Variants in CNTNAP3 observed in about 807,000 individuals in gnomAD.
CNTNAP3 encodes the protein contactin-associated protein-like 3.
Under a neutral mutation model 92.1 loss-of-function variants are expected in CNTNAP3, and 36 were observed. The observed-to-expected ratio is 0.39, with a 90% confidence interval of 0.30 to 0.52. The LOEUF (loss-of-function observed/expected upper bound fraction) is 0.52. Among genes scored for constraint, CNTNAP3 ranks in the 20% least tolerant of loss-of-function variants. The pLI is 0.76. For missense variants in CNTNAP3, 534 were observed against 1,069.6 expected (o/e 0.50, Z 6.98); for synonymous variants, 232 against 422.3 (o/e 0.55, Z 5.53).
chr9:39,067,648 G>A lies in CNTNAP3; in HGVS notation c.*6242C>T, dbSNP rs1337158536. 2.6e-5 allele frequency among the ~76,000 whole-genome samples: 4 copies of A among 152,308 alleles called. No homozygotes were observed. Among genetic ancestry groups the A allele is most frequent in the Admixed American group, 2.0e-4 (3 of 15,292 alleles). ...CCCGACCTCGTGATCTGCCTGCCTC[G>A]ACCTCCCAAAGTGCTGGGATTACAG... On this transcript the variant is annotated 3_prime_UTR_variant, in exon 24 of 24. Transcript: ENST00000297668.
At chr9:39,076,643 G>C (rs1825773440) in intron 23 of CNTNAP3, among the ~76,000 whole-genome samples, 1 of 152,310 alleles carries the variant, frequency 6.6e-6, no homozygotes, top group African/African-American at 2.4e-5. Flanking sequence ...TATGTGCTAT[G>C]GAGAGTCTGC....
intron 8 of CNTNAP3, among the ~76,000 whole-genome samples, chr9:39,170,707 C>T (rs1302649179): frequency 9.1e-5 from 1 of 10,964 alleles, no homozygotes; most frequent in East Asian, 2.4e-3. Flanking sequence ...GGGCATTGTG[C>T]TAATAAAATC....
chr9:39,153,834 C>T (rs1824320314), intron 9 of CNTNAP3, among the ~76,000 whole-genome samples: 2 of 141,846 alleles, frequency 1.4e-5, no homozygotes, highest in Admixed American at 1.4e-4. Context: ...GCTGGGATTA[C>T]AGGTGAGAGC....
chr9:39,134,246 A>G (rs1235848043), intron 12 of CNTNAP3, among the ~76,000 whole-genome samples: 1 of 152,158 alleles, frequency 6.6e-6, no homozygotes, highest in African/African-American at 2.4e-5. Context: ...GATATCCACA[A>G]ATGAGCCACA....
chr9:39,076,106 C>G (rs1482579163), intron 23 of CNTNAP3, among the ~76,000 whole-genome samples: 1 of 152,306 alleles, frequency 6.6e-6, no homozygotes, highest in African/African-American at 2.4e-5. Flanking sequence ...CGGAAGAGAA[C>G]ACTGCTAAGA....
Position 39,068,243 on chromosome 9 carries a change from CAAAAAAAAAAA to C in CNTNAP3, c.*5636_*5646del, listed in dbSNP as rs1198106886. On this transcript the variant is annotated 3_prime_UTR_variant, in exon 24 of 24. Coordinates refer to ENST00000297668, the MANE Select transcript of CNTNAP3 (RefSeq NM_033655.5). ...TGAAACCTTGCCTCCACTAAAAATA[CAAAAAAAAAAA>C]AAAAAAAAAAAATTAGCTGGGCATG... Among the ~76,000 whole-genome samples, 1 of 129,320 alleles carries C rather than the reference CAAAAAAAAAAA, an allele frequency of 7.7e-6. No homozygotes were observed. The highest frequency in any genetic ancestry group is 1.7e-5 in the Non-Finnish European group (1 of 59,106). The allele number at this position is 129,320 out of a possible 152,430, so 84.8% of individuals were successfully genotyped here. A position where few individuals can be genotyped will look rare whatever the true frequency, so the allele number is the denominator to read the frequency against.
chr9:39,083,381 C>G (rs10974133), intron 21 of CNTNAP3, among the ~76,000 whole-genome samples: 15,245 of 152,018 alleles, frequency 0.1, 1,945 homozygotes, highest in African/African-American at 0.3. Flanking sequence ...GTTTAAGGGG[C>G]CAGGTGTGGT....
chr9:39,068,273 G>T lies in CNTNAP3; in HGVS notation c.*5617C>A, dbSNP rs1379985782. Among the ~76,000 whole-genome samples the T allele has an allele frequency of 9.5e-5, 14 of 148,046 alleles. No individual in the cohort carries two copies. The highest frequency in any genetic ancestry group is 3.2e-4 in the African/African-American group (13 of 40,730). On this transcript the variant is annotated 3_prime_UTR_variant, in exon 24 of 24. Coordinates refer to ENST00000297668, the MANE Select transcript of CNTNAP3 (RefSeq NM_033655.5). Reference sequence around the variant, plus strand: ...AAAAAAAAAAAAAAAAAAATTAGCTGGGCATGTTGGCTTGTGCCTGTAGTC... The same window carrying T: ...AAAAAAAAAAAAAAAAAAATTAGCTTGGCATGTTGGCTTGTGCCTGTAGTC...
At chr9:39,091,236 T>C (rs1395406574) in intron 18 of CNTNAP3, among the ~76,000 whole-genome samples, 3 of 151,950 alleles carry the variant, frequency 2.0e-5, no homozygotes, top group African/African-American at 7.2e-5. Context: ...CAATGCTGAA[T>C]AGAACTAGTG....
Position 39,121,846 on chromosome 9 carries a change from G to A in CNTNAP3, c.2081-3587C>T, listed in dbSNP as rs113215110. On this transcript the variant is annotated intron_variant, in intron 13 of 23. Coordinates refer to ENST00000297668, the MANE Select transcript of CNTNAP3 (RefSeq NM_033655.5). Reference sequence around the variant, plus strand: ...AGGAGAAAACATTTTTGAAATAAGCGCAGAACATTATGTTCTCTCCTTAAC... The same window carrying A: ...AGGAGAAAACATTTTTGAAATAAGCACAGAACATTATGTTCTCTCCTTAAC... Among the ~76,000 whole-genome samples the A allele has an allele frequency of 1.8e-3, 268 of 152,158 alleles. 2 individuals carry two copies. The highest frequency in any genetic ancestry group is 2.9e-3 in the Admixed American group (44 of 15,272).
intron 19 of CNTNAP3, among the ~76,000 whole-genome samples, chr9:39,088,083 T>G (rs1345941886): frequency 6.6e-6 from 1 of 152,152 alleles, no homozygotes; most frequent in South Asian, 2.1e-4. Context: ...GAGGAGGGAA[T>G]GTATGTCATG....
At chr9:39,088,942 T>A (rs1172402401) in intron 18 of CNTNAP3, among the ~76,000 whole-genome samples, 14 of 152,272 alleles carry the variant, frequency 9.2e-5, no homozygotes, top group African/African-American at 3.1e-4. Context: ...TTCTTCAGTA[T>A]AAATGTATAA....
At position 39,152,070 on chromosome 9, in the gene CNTNAP3, C is replaced by A. The variant is rs201033885; in HGVS notation, c.1478-2093G>T. Among the ~76,000 whole-genome samples the A allele has an allele frequency of 3.6e-5, 5 of 138,650 alleles. No homozygotes were observed. In the East Asian group the frequency reaches 1.1e-3, roughly 30 times the overall value. The allele number at this position is 138,650 out of a possible 152,430, so 91.0% of individuals were successfully genotyped here. ...TTTGTACTTATGTGTTTTTCATTGA[C>A]CTCTCTTTGACCTTATACTGTTAAT... On this transcript the variant is annotated intron_variant, in intron 9 of 23. Coordinates refer to ENST00000297668, the MANE Select transcript of CNTNAP3 (RefSeq NM_033655.5).
intron 14 of CNTNAP3, among the ~76,000 whole-genome samples, chr9:39,113,827 C>A (rs1820776806): frequency 6.6e-6 from 1 of 150,816 alleles, no homozygotes; most frequent in African/African-American, 2.4e-5. Context: ...CGATATATGG[C>A]TGCTATATCA....
intron 11 of CNTNAP3, among the ~76,000 whole-genome samples, chr9:39,141,009 T>C (rs1467270306): frequency 6.6e-6 from 1 of 152,186 alleles, no homozygotes; most frequent in Non-Finnish European, 1.5e-5. Flanking sequence ...AGACAATCTT[T>C]TGGCAATGTC....
chr9:39,146,731 A>G (rs745333949), intron 10 of CNTNAP3, among the ~76,000 whole-genome samples: 42 of 151,746 alleles, frequency 2.8e-4, no homozygotes, highest in Admixed American at 5.2e-4. Flanking sequence ...ATCCAAACAT[A>G]AACATCCATT....
rs1232127853 is a variant in CNTNAP3 at position 39,068,171 on chromosome 9, G to C, written c.*5719C>G. Among the ~76,000 whole-genome samples the C allele has an allele frequency of 1.3e-5, 2 of 152,358 alleles. No individual in the cohort carries two copies. The highest frequency in any genetic ancestry group is 4.8e-5 in the African/African-American group (2 of 41,588). ...TACCAGCGCTTTAGGAGGCTGAGGT[G>C]GGCAGATCATGAGATCCAGAGATCG... On this transcript the variant is annotated 3_prime_UTR_variant, in exon 24 of 24. Transcript: ENST00000297668.
Position 39,074,179 on chromosome 9 carries a change from AT to A in CNTNAP3, c.3746-169del, listed in dbSNP as rs1288791237. On this transcript the variant is annotated intron_variant, in intron 23 of 23. Transcript: ENST00000297668. ...ATAGGCCCACTCCACCGTTCAGCTT[AT>A]TTTTTTTTTTCTTTTTACAATTATT... 1.3e-3 allele frequency among the ~76,000 whole-genome samples: 146 copies of A among 116,074 alleles called. No individual in the cohort carries two copies. In the Middle Eastern group the frequency reaches 0.013, roughly 10 times the overall value. The allele number at this position is 116,074 out of a possible 152,430, so 76.1% of individuals were successfully genotyped here.
chr9:39,108,473 A>C (rs1429273114), intron 15 of CNTNAP3, among the ~76,000 whole-genome samples: 1 of 152,192 alleles, frequency 6.6e-6, no homozygotes, highest in African/African-American at 2.4e-5. Flanking sequence ...TAGCCTCCAC[A>C]CATTGAGGTA....
Sources: gnomAD v4.1 joint callset for allele counts (sites outside exome capture counted in the v4.1 genomes callset) on GRCh38, gnomAD v4.1.1 for gene constraint, MANE v1.5 for transcripts, NCBI Gene and HGNC (gene_info 2026-07-23, HGNC 2026-07-21) for gene names.